CACNG2: variants seen among roughly 807,000 people sequenced by gnomAD.
CACNG2 encodes the protein calcium voltage-gated channel auxiliary subunit gamma 2.
A neutral mutation model predicts 25.9 loss-of-function variants in CACNG2; 3 were observed. That is an observed-to-expected ratio of 0.12 (90% CI 0.05 to 0.30). The LOEUF (loss-of-function observed/expected upper bound fraction) is 0.30. CACNG2 is among the 10% of genes least tolerant of loss of function. The pLI is 1.00. For missense variants in CACNG2, 341 were observed against 432.5 expected, an observed-to-expected ratio of 0.79 and a Z score of 1.88; for synonymous variants, 167 against 173.3, an observed-to-expected ratio of 0.96 and a Z score of 0.29.
In CACNG2 at chr22:36,563,292, G is replaced by A. The variant is rs1248148463; in HGVS notation, c.*1059C>T. ...GGACTGGGGGGCTTATGAGTCAGGG[G>A]GTCCACCATCGCCCCAGGGTCATCA... On this transcript the variant is annotated 3_prime_UTR_variant, in exon 4 of 4. Transcript: ENST00000300105. Among the ~76,000 whole-genome samples the A allele has an allele frequency of 6.6e-6, 1 of 152,098 alleles. No homozygotes were observed. Among genetic ancestry groups the A allele is most frequent in the Admixed American group, 6.5e-5 (1 of 15,280 alleles).
At position 36,575,476 on chromosome 22, in the gene CACNG2, G is replaced by A. The variant is rs559258154; in HGVS notation, c.296-8983C>T. ...GGCCAGACAGGGCACGCGGGGCCCCGAGGTTTTCTCACTGTGTCTGGCAGC... is the reference window on the plus strand; with the variant it reads ...GGCCAGACAGGGCACGCGGGGCCCCAAGGTTTTCTCACTGTGTCTGGCAGC... On this transcript the variant is annotated intron_variant, in intron 2 of 3. Coordinates refer to ENST00000300105, the MANE Select transcript of CACNG2 (RefSeq NM_006078.5). Among the ~76,000 whole-genome samples the A allele has an allele frequency of 1.2e-4, 18 of 152,060 alleles. No homozygotes were observed. The South Asian group carries it at 3.5e-3, about 30-fold the overall frequency.
intron 1 of CACNG2, among the ~76,000 whole-genome samples, chr22:36,605,125 A>T (rs1249271029): frequency 6.6e-6 from 1 of 151,922 alleles, no homozygotes; most frequent in Non-Finnish European, 1.5e-5. Flanking sequence ...CCTAGGCTGG[A>T]GTGCAGTGGC....
At chr22:36,607,554 A>T (rs1327590507) in intron 1 of CACNG2, among the ~76,000 whole-genome samples, 1 of 152,184 alleles carries the variant, frequency 6.6e-6, no homozygotes, top group Admixed American at 6.5e-5. Flanking sequence ...CCCTTGGTCC[A>T]TTTTAATCAC....
intron 2 of CACNG2, 71 bp from the exon 3 acceptor site, chr22:36,566,564 G>A: frequency 6.4e-7 from 1 of 1,553,670 alleles, no homozygotes; most frequent in Admixed American, 1.7e-5. Flanking sequence ...AGAGGCAGGT[G>A]GGAGAGCAGC....
intron 1 of CACNG2, among the ~76,000 whole-genome samples, chr22:36,601,947 G>A (rs969806978): frequency 6.6e-6 from 1 of 152,042 alleles, no homozygotes; most frequent in African/African-American, 2.4e-5. Context: ...AACAGTGTGC[G>A]AGGATTCCCT....
intron 2 of CACNG2, among the ~76,000 whole-genome samples, chr22:36,568,868 G>T (rs1323563595): frequency 6.6e-6 from 1 of 151,916 alleles, no homozygotes; most frequent in East Asian, 1.9e-4. Context: ...GGGAAGCAGG[G>T]GTGGGAGGAT....
chr22:36,601,715 C>T (rs1277055783), intron 1 of CACNG2, among the ~76,000 whole-genome samples: 7 of 152,134 alleles, frequency 4.6e-5, no homozygotes, highest in African/African-American at 1.7e-4. Flanking sequence ...GAACTCCTGA[C>T]CTTGTGATCC....
intron 1 of CACNG2, among the ~76,000 whole-genome samples, chr22:36,649,984 G>A (rs769442356): frequency 1.3e-5 from 2 of 152,166 alleles, no homozygotes; most frequent in Non-Finnish European, 2.9e-5. Flanking sequence ...TGTGTCTCAA[G>A]AACCACTGTC....
At chr22:36,607,094 G>A (rs1935848288) in intron 1 of CACNG2, among the ~76,000 whole-genome samples, 1 of 152,106 alleles carries the variant, frequency 6.6e-6, no homozygotes. Flanking sequence ...GACCAGATCT[G>A]TTTGCCCTGG....
At chr22:36,587,331 G>T (rs888277963) in intron 2 of CACNG2, 134 bp downstream of exon 2, 1 of 760,680 alleles carries the variant, frequency 1.3e-6, no homozygotes, top group Non-Finnish European at 2.4e-6. Flanking sequence ...ACTCCGGAAA[G>T]GAGAGAGGCT....
intron 2 of CACNG2, among the ~76,000 whole-genome samples, chr22:36,586,738 T>G (rs913603779): frequency 7.9e-5 from 12 of 152,246 alleles, no homozygotes; most frequent in Non-Finnish European, 1.2e-4. Flanking sequence ...ACCTCGGCTT[T>G]GCTGTCCCAG....
Position 36,702,462 on chromosome 22 carries a change from C to A in CACNG2, c.115G>T (p.Val39Phe), listed in dbSNP as rs761746610. 3 of 1,614,112 alleles carry A rather than the reference C, an allele frequency of 1.9e-6. No individual in the cohort carries two copies. Among genetic ancestry groups the A allele is most frequent in the Non-Finnish European group, 2.5e-6 (3 of 1,180,000 alleles). ...GTDYWLYSRG[V>F]CKTKSVSENE... Reference sequence around the variant, plus strand: ...TCACTGACACTTTTGGTCTTGCAAACCCCTCTGGAGTAGAGCCAATAGTCG... The same window carrying A: ...TCACTGACACTTTTGGTCTTGCAAAACCCTCTGGAGTAGAGCCAATAGTCG... Residue 39 changes from valine to phenylalanine, a missense_variant, in exon 1 of 4, where the codon GTT becomes TTT. Transcript: ENST00000300105.
intron 1 of CACNG2, among the ~76,000 whole-genome samples, chr22:36,679,175 T>C (rs1294516167): frequency 2.4e-5 from 3 of 127,504 alleles, no homozygotes; most frequent in Non-Finnish European, 5.0e-5. Flanking sequence ...CCTTCCTTCC[T>C]TCCTTCCTTC....
At chr22:36,685,081 C>T (rs1374176784) in intron 1 of CACNG2, among the ~76,000 whole-genome samples, 1 of 152,204 alleles carries the variant, frequency 6.6e-6, no homozygotes, top group Non-Finnish European at 1.5e-5. Flanking sequence ...CCTCTCATCG[C>T]TCAGTCCACA....
In CACNG2 at chr22:36,564,597, G is replaced by T. The variant is rs113704375; in HGVS notation, c.726C>A (p.Arg242=). 6.2e-7 allele frequency: 1 copy of T among 1,614,018 alleles called. No homozygotes were observed. Residue 242 remains arginine (R), a synonymous_variant, in exon 4 of 4, where the codon CGC becomes CGA. Coordinates refer to ENST00000300105, the MANE Select transcript of CACNG2 (RefSeq NM_006078.5). This position sits in a 1 kb window ranked among gnomAD's most constrained non-coding sequence, Gnocchi z 6.7. ...CCCTGGAGTGTGAGGGCTCCGTGGAGCGCGAGCTGGAGCGGCTGCGGCGCT... is the reference window on the plus strand; with the variant it reads ...CCCTGGAGTGTGAGGGCTCCGTGGATCGCGAGCTGGAGCGGCTGCGGCGCT... ...RYQRRSRSSS[R]STEPSHSRDA...
chr22:36,593,390 G>T lies in CACNG2; in HGVS notation c.212-5842C>A, dbSNP rs577500561. Among the ~76,000 whole-genome samples, 28 of 152,278 alleles carry T rather than the reference G, an allele frequency of 1.8e-4. No homozygotes were observed. The South Asian group carries it at 5.8e-3, about 32-fold the overall frequency. The stretch of plus-strand genomic sequence containing the variant: ...GAATGGCGGCGGCCATGAGGGAGTC[G>T]GACAGGTAGGCTGGGATGTGTTTCA... On this transcript the variant is annotated intron_variant, in intron 1 of 3. Coordinates refer to ENST00000300105, the MANE Select transcript of CACNG2 (RefSeq NM_006078.5).
chr22:36,587,505 C>T lies in CACNG2; in HGVS notation c.255G>A (p.Glu85=), dbSNP rs763825678. Reference sequence around the variant, plus strand: ...CTGTGTCAGCTTCGTAATCTGCATCCTCTGGGAAGTGATCAATTTGCTTGC... The same window carrying T: ...CTGTGTCAGCTTCGTAATCTGCATCTTCTGGGAAGTGATCAATTTGCTTGC... The part of the protein sequence containing the change: ...GLCKQIDHFP[E]DADYEADTAE... Residue 85 remains glutamate (E), a synonymous_variant, in exon 2 of 4, where the codon GAG becomes GAA. Transcript: ENST00000300105. The T allele has an allele frequency of 2.5e-6, 4 of 1,613,750 alleles. No homozygotes were observed. The highest frequency in any genetic ancestry group is 3.4e-6 in the Non-Finnish European group (4 of 1,179,708).
chr22:36,621,551 T>A lies in CACNG2; in HGVS notation c.212-34003A>T, dbSNP rs150396340. On this transcript the variant is annotated intron_variant, in intron 1 of 3. Transcript: ENST00000300105. ...TGCCACCGTACTCCAGCCTGGGTGA[T>A]GAAGTGAGATTTTGCCTCAAAAAAA... is the stretch of plus-strand genomic sequence containing the variant. 2.1e-3 allele frequency among the ~76,000 whole-genome samples: 313 copies of A among 145,854 alleles called. 2 individuals are homozygous for A. The highest frequency in any genetic ancestry group is 7.7e-3 in the African/African-American group (292 of 38,050).
chr22:36,575,419 T>G (rs1184385105), intron 2 of CACNG2, among the ~76,000 whole-genome samples: 1 of 151,908 alleles, frequency 6.6e-6, no homozygotes, highest in Non-Finnish European at 1.5e-5. Context: ...CGCTGTGACA[T>G]GGTGCTTCAT....
Sources: allele counts gnomAD v4.1 joint callset (sites outside exome capture counted in the v4.1 genomes callset), GRCh38; gene constraint gnomAD v4.1.1; non-coding constraint Gnocchi (gnomAD v3.1); transcripts MANE v1.5; gene names NCBI Gene and HGNC (gene_info 2026-07-23, HGNC 2026-07-21).